Variants in HRC observed in about 807,000 individuals in gnomAD.
HRC encodes histidine rich calcium binding protein.
A neutral mutation model predicts 61.4 loss-of-function variants in HRC; 41 were observed. The observed-to-expected ratio is 0.67, with a 90% CI of 0.52 to 0.87. The LOEUF is 0.87. Among genes scored for constraint, HRC ranks in the 40% least tolerant of loss-of-function variants. The pLI is 0.00. For synonymous variants in HRC, 308 were observed against 326.6 expected (o/e 0.94, Z 0.62); for missense variants, 839 against 885.8 (o/e 0.95, Z 0.67).
At position 49,153,835 on chromosome 19, in the gene HRC, T is replaced by C. The variant is rs920231797; in HGVS notation, c.1403A>G (p.His468Arg). Reference protein sequence around the residue: ...IKEMSHHPPGHTVVKDRSHLR... With the variant: ...IKEMSHHPPGRTVVKDRSHLR... ...ATGGCTTCTATCCTTGACCACTGTG[T>C]GTCCTGGGGGGTGATGGCTCATCTC... The change falls in exon 1 of 6, where the codon CAC becomes CGC. Residue 468 changes from histidine (H) to arginine (R), a missense_variant. Physicochemically the swap from His to Arg is conservative, Grantham distance 29. Transcript: ENST00000252825. The surrounding 1 kb of genome is among the most constrained non-coding windows in gnomAD (Gnocchi z 4.8). The C allele has an allele frequency of 5.0e-6, 8 of 1,614,150 alleles. No homozygotes were observed. The highest frequency in any genetic ancestry group is 6.8e-6 in the Non-Finnish European group (8 of 1,180,032).
rs2122681063 is a variant in HRC at position 49,151,318 on chromosome 19, A to G, written c.2078T>C (p.Met693Thr). 2 of 1,558,654 alleles carry G rather than the reference A, an allele frequency of 1.3e-6. No individual in the cohort carries two copies. The highest frequency in any genetic ancestry group is 2.4e-5 in the South Asian group (2 of 84,896). Residue 693 changes from methionine to threonine, a missense_variant, in exon 6 of 6, where the codon ATG becomes ACG. Physicochemically the swap from Met to Thr is moderately conservative, Grantham distance 81 (BLOSUM62 -1). Transcript: ENST00000252825. ...SSSLYQALADMLETPEP is the reference protein window; with the variant it reads ...SSSLYQALADTLETPEP Reference sequence around the variant, plus strand: ...GGGTCAGGGTTCCGGCGTTTCCAGCATGTCTGCCAGGGCCCTGGAGACGAG... The same window carrying G: ...GGGTCAGGGTTCCGGCGTTTCCAGCGTGTCTGCCAGGGCCCTGGAGACGAG...
chr19:49,151,619 T>C (rs1274802054), intron 4 of HRC, 66 bp from the exon 5 acceptor site: 1 of 1,424,014 alleles, frequency 7.0e-7, no homozygotes, highest in African/African-American at 1.4e-5. Flanking sequence ...AGCCACTCAG[T>C]ATAGCGTGCG....
In HRC at chr19:49,151,558, G is replaced by A; in HGVS notation, c.2027-5C>T. 6.2e-7 allele frequency: 1 copy of A among 1,613,492 alleles called. No individual in the cohort carries two copies. Among genetic ancestry groups the A allele is most frequent in the Non-Finnish European group, 8.5e-7 (1 of 1,179,982 alleles). ...AGAAATAGTCAACGTAGCTTCCTGTGGGACAGCAGAGAAAAGAGGCTTGAG... is the reference window on the plus strand; with the variant it reads ...AGAAATAGTCAACGTAGCTTCCTGTAGGACAGCAGAGAAAAGAGGCTTGAG... On this transcript the variant is annotated splice_region_variant and splice_polypyrimidine_tract_variant and intron_variant, in intron 4 of 5. Transcript: ENST00000252825.
intron 3 of HRC, 99 bp from the exon 4 acceptor site, chr19:49,152,157 G>T (rs2041367012): frequency 2.3e-6 from 3 of 1,307,852 alleles, no homozygotes; most frequent in Non-Finnish European, 3.3e-6. Context: ...GCTAGGTCTA[G>T]GTTAAGGTTG....
rs2041354243 is a variant in HRC, at chr19:49,151,258, A to AG, written c.*37dup. ...AGCTCGTGGAAAGGGGTTGGAAGGC[A>AG]GGGGGAGGTACACCTGCGTCGCAGT... is the stretch of plus-strand genomic sequence containing the variant. On this transcript the variant is annotated 3_prime_UTR_variant, in exon 6 of 6. Coordinates refer to ENST00000252825, the MANE Select transcript of HRC (RefSeq NM_002152.3). 1 of 1,513,378 alleles carries AG rather than the reference A, an allele frequency of 6.6e-7. No individual in the cohort carries two copies. The highest frequency in any genetic ancestry group is 8.9e-7 in the Non-Finnish European group (1 of 1,121,148). The allele number at this position is 1,513,378 out of a possible 1,614,324, so 93.7% of individuals were successfully genotyped here.
rs1442720659 is a variant in HRC at position 49,151,346 on chromosome 19, C to G, written c.2064-14G>C. 2 of 1,556,218 alleles carry G rather than the reference C, an allele frequency of 1.3e-6. No homozygotes were observed. The highest frequency in any genetic ancestry group is 1.9e-5 in the Admixed American group (1 of 51,338). On this transcript the variant is annotated splice_polypyrimidine_tract_variant and intron_variant, in intron 5 of 5. Coordinates refer to ENST00000252825, the MANE Select transcript of HRC (RefSeq NM_002152.3). ...TCTGCCAGGGCCCTGGAGACGAGAACGCCAGAAGTTAGACAGCTGGTGTTC... is the reference window on the plus strand; with the variant it reads ...TCTGCCAGGGCCCTGGAGACGAGAAGGCCAGAAGTTAGACAGCTGGTGTTC...
At chr19:49,151,746 T>G (rs961860397) in intron 4 of HRC, among the ~76,000 whole-genome samples, 193 bp from the exon 5 acceptor site, 2 of 152,078 alleles carry the variant, frequency 1.3e-5, no homozygotes, top group Non-Finnish European at 2.9e-5. Flanking sequence ...GCCCCTTCGA[T>G]TCCTACTTGA....
At position 49,153,879 on chromosome 19, in the gene HRC, A is replaced by G; in HGVS notation, c.1359T>C (p.Gly453=). Residue 453 remains glycine, a synonymous_variant, in exon 1 of 6, where the codon GGT becomes GGC. Coordinates refer to ENST00000252825, the MANE Select transcript of HRC (RefSeq NM_002152.3). This position sits in a 1 kb window ranked among gnomAD's most constrained non-coding sequence, Gnocchi z 4.8. ...QSHQDEETGH[G]QRGSIKEMSH... is the part of the protein sequence containing the mutation. ...TCATCTCTTTGATGGACCCTCTTTGACCATGGCCAGTTTCTTCATCTTGGT... is the reference window on the plus strand; with the variant it reads ...TCATCTCTTTGATGGACCCTCTTTGGCCATGGCCAGTTTCTTCATCTTGGT... 3.1e-6 allele frequency: 5 copies of G among 1,612,946 alleles called. No homozygotes were observed. The highest frequency in any genetic ancestry group is 4.2e-6 in the Non-Finnish European group (5 of 1,179,764).
rs200176524 is a variant in HRC at position 49,154,049 on chromosome 19, G to C, written c.1189C>G (p.Arg397Gly). Reference sequence around the variant, plus strand: ...TCCTCTTCATCACTCTTGTGGCCTCGAGGTTGGTGGCTTGCAACATAGTGG... The same window carrying C: ...TCCTCTTCATCACTCTTGTGGCCTCCAGGTTGGTGGCTTGCAACATAGTGG... The part of the protein sequence containing the change: ...FGHYVASHQP[R>G]GHKSDEEDFQ... Residue 397 changes from arginine (R) to glycine (G), a missense_variant, in exon 1 of 6, where the codon CGA becomes GGA. Physicochemically the swap from Arg to Gly is moderately radical, Grantham distance 125. Transcript: ENST00000252825. 1.9e-6 allele frequency: 3 copies of C among 1,614,086 alleles called. No individual in the cohort carries two copies. The highest frequency in any genetic ancestry group is 1.1e-5 in the South Asian group (1 of 91,056).
chr19:49,151,613 A>C (rs1219887754), intron 4 of HRC, 60 bp from the exon 5 acceptor site: 1 of 1,473,812 alleles, frequency 6.8e-7, no homozygotes, highest in African/African-American at 1.4e-5. Flanking sequence ...TTAGGCAGCC[A>C]CTCAGTATAG....
chr19:49,155,244 G>A lies in HRC; in HGVS notation c.-7C>T, dbSNP rs755767907. On this transcript the variant is annotated 5_prime_UTR_variant, in exon 1 of 6. Coordinates refer to ENST00000252825, the MANE Select transcript of HRC (RefSeq NM_002152.3). This position sits in a 1 kb window ranked among gnomAD's most constrained non-coding sequence, Gnocchi z 4.7. ...ATGGCCTATGGTGGCCCATGGGGAC[G>A]GACAGGCAGCACTGGCTCCAGCTGC... The A allele has an allele frequency of 8.8e-6, 14 of 1,586,752 alleles. No homozygotes were observed. The highest frequency in any genetic ancestry group is 3.5e-5 in the Admixed American group (2 of 56,870).
At position 49,155,103 on chromosome 19, in the gene HRC, T is replaced by G. The variant is rs567101396; in HGVS notation, c.135A>C (p.Gly45=). The stretch of plus-strand genomic sequence containing the variant: ...ATGCCTCCTCGGAGAGCCCGGCGAC[T>G]CCAGTGCTGTTGTTCCGGTTTCTGA... ...LGFRNRNNST[G]VAGLSEEASA... is the part of the protein sequence containing the mutation. Residue 45 remains glycine, a synonymous_variant, in exon 1 of 6, where the codon GGA becomes GGC. Coordinates refer to ENST00000252825, the MANE Select transcript of HRC (RefSeq NM_002152.3). This position sits in a 1 kb window ranked among gnomAD's most constrained non-coding sequence, Gnocchi z 4.7. 1.9e-6 allele frequency: 3 copies of G among 1,614,162 alleles called. No individual in the cohort carries two copies. The African/African-American group carries it at 4.0e-5, about 22-fold the overall frequency.
At chr19:49,152,945 C>T (rs2041376182) in intron 2 of HRC, among the ~76,000 whole-genome samples, 1 of 151,958 alleles carries the variant, frequency 6.6e-6, no homozygotes, top group Non-Finnish European at 1.5e-5. Context: ...TCTCCACCCG[C>T]TCTCTGCCTA....
chr19:49,154,202 G>T lies in HRC; in HGVS notation c.1036C>A (p.Gln346Lys). The change falls in exon 1 of 6, where the codon CAA becomes AAA. Residue 346 changes from glutamine to lysine, a missense_variant. By Grantham distance (53) the Gln-to-Lys change is moderately conservative. Transcript: ENST00000252825. ...HHHHVPDHRHQGHRDEEEDED... is the reference protein window; with the variant it reads ...HHHHVPDHRHKGHRDEEEDED... ...TCTTCTTCCTCGTCTCTGTGGCCTTGGTGCCTGTGGTCAGGGACATGATGG... is the reference window on the plus strand; with the variant it reads ...TCTTCTTCCTCGTCTCTGTGGCCTTTGTGCCTGTGGTCAGGGACATGATGG... 6.2e-7 allele frequency: 1 copy of T among 1,613,874 alleles called. No individual in the cohort carries two copies. The highest frequency in any genetic ancestry group is 2.2e-5 in the East Asian group (1 of 44,862).
intron 4 of HRC, 111 bp from the exon 5 acceptor site, chr19:49,151,664 T>G (rs887193289): frequency 1.3e-5 from 13 of 969,734 alleles, no homozygotes; most frequent in Admixed American, 8.5e-5. Flanking sequence ...TTTCCCTAAT[T>G]CCTTCTTCCA....
At position 49,153,463 on chromosome 19, in the gene HRC, T is replaced by G; in HGVS notation, c.1775A>C (p.Asp592Ala). ...GGCACCTCCAGCCTCCTCTCTCCTG[T>G]CCAGTGGGTTGGGGATGATGGTGAA... ...PRFTIIPNPL[D>A]RREEAGGASS... Residue 592 changes from aspartate (D) to alanine (A), a missense_variant, in exon 1 of 6, where the codon GAC becomes GCC. By Grantham distance (126) the Asp-to-Ala change is moderately radical. Coordinates refer to ENST00000252825, the MANE Select transcript of HRC (RefSeq NM_002152.3). This position sits in a 1 kb window ranked among gnomAD's most constrained non-coding sequence, Gnocchi z 4.8. 1 of 1,600,612 alleles carries G rather than the reference T, an allele frequency of 6.2e-7. No homozygotes were observed.
chr19:49,151,856 C>G, intron 4 of HRC, 148 bp downstream of exon 4: 1 of 769,326 alleles, frequency 1.3e-6, no homozygotes, highest in African/African-American at 1.7e-5. Context: ...CGAGCCAGGC[C>G]CCGGCCCACG....
Position 49,155,178 on chromosome 19 carries a change from C to G in HRC, c.60G>C (p.Leu20=), listed in dbSNP as rs749223234. The stretch of plus-strand genomic sequence containing the variant: ...GCTGGGTCATGGCCGGGGGGAGGAG[C>G]AGGCTGGCCACCCCAGCCCAGAGGA... ...ASVLWAGVAS[L]LLPPAMTQQL... Residue 20 remains leucine (L), a synonymous_variant, in exon 1 of 6, where the codon CTG becomes CTC. Transcript: ENST00000252825. This position sits in a 1 kb window ranked among gnomAD's most constrained non-coding sequence, Gnocchi z 4.7. 1 of 1,613,210 alleles carries G rather than the reference C, an allele frequency of 6.2e-7. No homozygotes were observed.
rs2041377963 is a variant in HRC at position 49,153,158 on chromosome 19, C to A, written c.1902+103G>T. On this transcript the variant is annotated intron_variant, in intron 2 of 5. Transcript: ENST00000252825. The surrounding 1 kb of genome is among the most constrained non-coding windows in gnomAD (Gnocchi z 4.8). ...AGGATCTCTTTTCTTTCAGAACTGA[C>A]CCTGGCCTGCCCTTGCTCTGAGCCC... 2.4e-6 allele frequency: 2 copies of A among 822,872 alleles called. No homozygotes were observed. The highest frequency in any genetic ancestry group is 2.9e-5 in the South Asian group (2 of 69,862). The allele number at this position is 822,872 out of a possible 1,614,324, so 51.0% of individuals were successfully genotyped here. A position where few individuals can be genotyped will look rare whatever the true frequency, so the allele number is the denominator to read the frequency against.
Sources: gnomAD v4.1 joint callset for allele counts (sites outside exome capture counted in the v4.1 genomes callset) on GRCh38, gnomAD v4.1.1 for gene constraint, Gnocchi (gnomAD v3.1) non-coding constraint, MANE v1.5 for transcripts, NCBI Gene and HGNC (gene_info 2026-07-23, HGNC 2026-07-21) for gene names.